The following PHYHIPL variants were observed in gnomAD, a reference collection of about 807,000 sequenced individuals.
The protein encoded by PHYHIPL is phytanoyl-CoA 2-hydroxylase interacting protein like, also known as phytanoyl-CoA hydroxylase-interacting protein-like.
Under a neutral mutation model 33.4 loss-of-function variants are expected in PHYHIPL, and 9 were observed. The observed-to-expected ratio is 0.27, with a 90% CI of 0.16 to 0.47. PHYHIPL has a LOEUF of 0.47. PHYHIPL is among the 20% of genes least tolerant of loss of function. The probability of loss-of-function intolerance (pLI) is 0.99; values close to 1 mark genes in which losing one functional copy is unlikely to be tolerated. For missense variants in PHYHIPL, 365 were observed against 460.7 expected, an observed-to-expected ratio of 0.79 and a Z score of 1.90; for synonymous variants, 153 against 154.1, an observed-to-expected ratio of 0.99 and a Z score of 0.05.
At chr10:59,208,842 C>T (rs1839362201) in intron 1 of PHYHIPL, among the ~76,000 whole-genome samples, 1 of 151,736 alleles carries the variant, frequency 6.6e-6, no homozygotes, top group African/African-American at 2.4e-5. Context: ...TGAAGATCAA[C>T]TTAATGAAAT....
chr10:59,243,958 A>G (rs1840512447), intron 4 of PHYHIPL, among the ~76,000 whole-genome samples: 1 of 152,192 alleles, frequency 6.6e-6, no homozygotes, highest in Non-Finnish European at 1.5e-5. Context: ...ATCCAGCAGC[A>G]GCAGTAGTCA....
Position 59,234,353 on chromosome 10 carries a change from A to G in PHYHIPL, c.156A>G (p.Val52=), listed in dbSNP as rs754910080. 6.3e-7 allele frequency: 1 copy of G among 1,598,060 alleles called. No homozygotes were observed. The highest frequency in any genetic ancestry group is 8.5e-7 in the Non-Finnish European group (1 of 1,174,792). Residue 52 remains valine (V), a synonymous_variant, in exon 2 of 5, where the codon GTA becomes GTG. Transcript: ENST00000373880. ...SGIAEMEELP[V]PHNIKISNIT... ...TAGCAGAGATGGAAGAACTTCCTGTACCACATAACATCAAAATAAGCAATA... is the reference window on the plus strand; with the variant it reads ...TAGCAGAGATGGAAGAACTTCCTGTGCCACATAACATCAAAATAAGCAATA...
At chr10:59,191,188 A>G (rs1156860017) in intron 1 of PHYHIPL, among the ~76,000 whole-genome samples, 5 of 151,958 alleles carry the variant, frequency 3.3e-5, no homozygotes, top group Admixed American at 1.3e-4. Context: ...TGCAAAAGCA[A>G]ATGTAGAGAT....
intron 1 of PHYHIPL, among the ~76,000 whole-genome samples, chr10:59,211,997 C>T (rs146988698): frequency 3.3e-5 from 5 of 152,150 alleles, no homozygotes; most frequent in South Asian, 4.2e-4. Flanking sequence ...TTAGGTCATG[C>T]GGGCTTTGCG....
chr10:59,209,003 T>G (rs1281612575), intron 1 of PHYHIPL, among the ~76,000 whole-genome samples: 1 of 152,110 alleles, frequency 6.6e-6, no homozygotes, highest in East Asian at 1.9e-4. Flanking sequence ...AAAACACTCT[T>G]CAGGATATTA....
chr10:59,237,911 A>G (rs1470898052), intron 3 of PHYHIPL, among the ~76,000 whole-genome samples: 3 of 151,964 alleles, frequency 2.0e-5, no homozygotes, highest in Non-Finnish European at 2.9e-5. Context: ...TACCTTTTAC[A>G]TCATATGTTC....
intron 4 of PHYHIPL, among the ~76,000 whole-genome samples, chr10:59,240,333 G>T (rs963673914): frequency 6.6e-6 from 1 of 151,794 alleles, no homozygotes; most frequent in African/African-American, 2.4e-5. Flanking sequence ...CTTGCAATGG[G>T]GTTATGTCCT....
chr10:59,174,588 GGATT>G (rs531193264), upstream of PHYHIPL, among the ~76,000 whole-genome samples: 287 of 152,236 alleles, frequency 1.9e-3, 1 homozygote, highest in African/African-American at 6.4e-3. Context: ...AAGGTGCCTT[GGATT>G]GATTAAGTTG....
At chr10:59,236,872 A>T (rs752926683) in intron 3 of PHYHIPL, among the ~76,000 whole-genome samples, 3 of 151,774 alleles carry the variant, frequency 2.0e-5, no homozygotes, top group Non-Finnish European at 4.4e-5. Flanking sequence ...GCTTCAAATC[A>T]TTTTTTTCTA....
At chr10:59,177,370 C>A in intron 1 of PHYHIPL, 1 of 1,126,330 alleles carries the variant, frequency 8.9e-7, no homozygotes, top group East Asian at 2.6e-5. Context: ...CACACACACA[C>A]TAGTTGGCAT....
Position 59,200,739 on chromosome 10 carries a change from G to A in PHYHIPL, c.106+23780G>A, listed in dbSNP as rs1839076905. ...ATTTACTGCCTCAATTTCAGAGCCT[G>A]TTATTGGTCTATTTAGCCATTCAAC... On this transcript the variant is annotated intron_variant, in intron 1 of 4. Transcript: ENST00000373880. Among the ~76,000 whole-genome samples, 3 of 152,100 alleles carry A rather than the reference G, an allele frequency of 2.0e-5. No individual in the cohort carries two copies. The East Asian group carries it at 5.8e-4, about 29-fold the overall frequency.
intron 1 of PHYHIPL, among the ~76,000 whole-genome samples, chr10:59,202,965 A>G (rs1839166012): frequency 6.6e-6 from 1 of 152,132 alleles, no homozygotes; most frequent in South Asian, 2.1e-4. Context: ...AGCACCCATA[A>G]CTTCTGCAGA....
At chr10:59,177,721 A>C (rs897784003) in intron 1 of PHYHIPL, 5 of 1,372,828 alleles carry the variant, frequency 3.6e-6, no homozygotes, top group African/African-American at 1.4e-5. Flanking sequence ...AGCGTTGAAG[A>C]CATAAGCTAG....
chr10:59,176,863 C>T lies in PHYHIPL; in HGVS notation c.10C>T (p.Pro4Ser), dbSNP rs1473951149. 2 of 1,612,116 alleles carry T rather than the reference C, an allele frequency of 1.2e-6. No homozygotes were observed. The highest frequency in any genetic ancestry group is 1.7e-6 in the Non-Finnish European group (2 of 1,179,232). The stretch of plus-strand genomic sequence containing the variant: ...AGAGTGGGTTGGAAAAATGGAGGTG[C>T]CGCGCCTGGATCATGCCCTCAACAG... MEVPRLDHALNSPT... is the reference protein window; with the variant it reads MEVSRLDHALNSPT... The change falls in exon 1 of 5, where the codon CCG (proline) becomes TCG (serine). Residue 4 changes from proline (P) to serine (S), a missense_variant. Coordinates refer to ENST00000373880, the MANE Select transcript of PHYHIPL (RefSeq NM_032439.4).
At chr10:59,199,537 G>A (rs1168716677) in intron 1 of PHYHIPL, among the ~76,000 whole-genome samples, 2 of 152,078 alleles carry the variant, frequency 1.3e-5, no homozygotes, top group African/African-American at 4.8e-5. Flanking sequence ...TTGGCAATGA[G>A]GGCTCTTTTT....
chr10:59,194,573 A>G (rs958879729), intron 1 of PHYHIPL, among the ~76,000 whole-genome samples: 1 of 152,216 alleles, frequency 6.6e-6, no homozygotes, highest in African/African-American at 2.4e-5. Flanking sequence ...TGAAATATCT[A>G]AACTTAGAAA....
chr10:59,245,619 C>A lies in PHYHIPL; in HGVS notation c.*28C>A. On this transcript the variant is annotated 3_prime_UTR_variant, in exon 5 of 5. Coordinates refer to ENST00000373880, the MANE Select transcript of PHYHIPL (RefSeq NM_032439.4). Reference sequence around the variant, plus strand: ...CCCACTTTTCTTATTCTTACTCAGCCCCTTTTCCTCCCTTAGGAGCATTGG... The same window carrying A: ...CCCACTTTTCTTATTCTTACTCAGCACCTTTTCCTCCCTTAGGAGCATTGG... 1 of 1,548,046 alleles carries A rather than the reference C, an allele frequency of 6.5e-7. No homozygotes were observed. Among genetic ancestry groups the A allele is most frequent in the African/African-American group, 1.4e-5 (1 of 73,118 alleles).
At chr10:59,187,078 C>T (rs1459477210) in intron 1 of PHYHIPL, among the ~76,000 whole-genome samples, 1 of 152,188 alleles carries the variant, frequency 6.6e-6, no homozygotes, top group Non-Finnish European at 1.5e-5. Context: ...TTTGTCCATT[C>T]AGTATGATAT....
chr10:59,222,754 A>G (rs925617998), intron 1 of PHYHIPL, among the ~76,000 whole-genome samples: 2 of 151,996 alleles, frequency 1.3e-5, no homozygotes, highest in African/African-American at 4.8e-5. Context: ...ATTAAAGATT[A>G]CTAGAGGCAC....
Sources: gnomAD v4.1 joint callset for allele counts (sites outside exome capture counted in the v4.1 genomes callset) on GRCh38, gnomAD v4.1.1 for gene constraint, MANE v1.5 for transcripts, NCBI Gene and HGNC (gene_info 2026-07-23, HGNC 2026-07-21) for gene names.